CLEC9A: variants seen among roughly 807,000 people sequenced by gnomAD.
The protein encoded by CLEC9A is C-type lectin domain family 9 member A.
A neutral mutation model predicts 30.0 loss-of-function variants in CLEC9A; 24 were observed. That is an observed-to-expected ratio of 0.80 (90% CI 0.58 to 1.13). The LOEUF (loss-of-function observed/expected upper bound fraction) is 1.13. Among genes scored for constraint, CLEC9A ranks in the 50% most tolerant of loss-of-function variants. The probability of loss-of-function intolerance (pLI) is 0.00; values close to 1 mark genes in which losing one functional copy is unlikely to be tolerated. For missense variants in CLEC9A, 251 were observed against 280.9 expected, an observed-to-expected ratio of 0.89 and a Z score of 0.76; for synonymous variants, 111 against 96.8, an observed-to-expected ratio of 1.15 and a Z score of -0.86.
Position 10,064,733 on chromosome 12 carries a change from AT to A in CLEC9A, c.477del (p.Phe159LeufsTer6). ...LLQIESKEEM[D>X]FITGSLRKIK... is the part of the protein sequence containing the mutation. ...CACAGTTCAATTTTTGTCTCATAGG[AT>A]TTTATCACTGGCAGCTTGAGGAAGA... is the stretch of plus-strand genomic sequence containing the variant. On this transcript the variant is annotated frameshift_variant and splice_region_variant, in exon 8 of 9. Coordinates refer to ENST00000355819, the MANE Select transcript of CLEC9A (RefSeq NM_207345.4). LOFTEE classifies it high-confidence loss of function. 1 of 1,608,722 alleles carries A rather than the reference AT, an allele frequency of 6.2e-7. No individual in the cohort carries two copies. The highest frequency in any genetic ancestry group is 8.5e-7 in the Non-Finnish European group (1 of 1,177,582).
intron 5 of CLEC9A, among the ~76,000 whole-genome samples, chr12:10,057,466 A>G (rs1359659959): frequency 6.6e-6 from 1 of 151,976 alleles, no homozygotes; most frequent in Non-Finnish European, 1.5e-5. Flanking sequence ...GCTCATATAT[A>G]TAACTAAAGG....
At chr12:10,044,680 T>C (rs576277913) in intron 2 of CLEC9A, among the ~76,000 whole-genome samples, 3 of 152,338 alleles carry the variant, frequency 2.0e-5, no homozygotes, top group Admixed American at 1.3e-4. Context: ...TTAGCTTCCC[T>C]TCAGCCCACA....
intron 2 of CLEC9A, among the ~76,000 whole-genome samples, chr12:10,047,544 T>G (rs183839479): frequency 3.9e-5 from 6 of 152,322 alleles, no homozygotes; most frequent in Non-Finnish European, 7.4e-5. Context: ...TAAGTGAACT[T>G]AGCAAAATTC....
Position 10,063,102 on chromosome 12 carries a change from A to G in CLEC9A, c.367A>G (p.Ser123Gly). 1.9e-6 allele frequency: 3 copies of G among 1,612,356 alleles called. No homozygotes were observed. The highest frequency in any genetic ancestry group is 2.5e-6 in the Non-Finnish European group (3 of 1,179,364). The change falls in exon 7 of 9, where the codon AGT becomes GGT. Residue 123 changes from serine to glycine, a missense_variant. Ser to Gly is a moderately conservative substitution (Grantham distance 56). Transcript: ENST00000355819. ...AAACAATTGGATTCAGAACAGAGAA[A>G]GTTGTTACTATGTCTCTGAAATTTG... ...CPNNWIQNRE[S>G]CYYVSEIWSI...
At chr12:10,052,538 C>G in intron 3 of CLEC9A, 92 bp from the exon 4 acceptor site, 1 of 1,327,442 alleles carries the variant, frequency 7.5e-7, no homozygotes, top group Non-Finnish European at 9.7e-7. Flanking sequence ...GAAGGTGCAT[C>G]TATTCTACTC....
At chr12:10,031,716 A>T (rs1048232324) in intron 1 of CLEC9A, among the ~76,000 whole-genome samples, 1 of 152,142 alleles carries the variant, frequency 6.6e-6, no homozygotes, top group Non-Finnish European at 1.5e-5. Flanking sequence ...TGAAGCCAGG[A>T]GGTTGAGAAA....
rs140873558 is a variant in CLEC9A at position 10,055,139 on chromosome 12, C to T, written c.172+788C>T. Among the ~76,000 whole-genome samples the T allele has an allele frequency of 4.5e-4, 69 of 152,258 alleles. 1 individual carries two copies. Among genetic ancestry groups the T allele is most frequent in the African/African-American group, 1.6e-3 (67 of 41,550 alleles). On this transcript the variant is annotated intron_variant, in intron 5 of 8. Transcript: ENST00000355819. ...TTTTAGAGGAACGTTTTAAGAATTG[C>T]CAAGAGCTTAATCAGTAATTGTTAC...
At chr12:10,052,603 T>G in intron 3 of CLEC9A, 27 bp from the exon 4 acceptor site, 9 of 1,555,294 alleles carry the variant, frequency 5.8e-6, no homozygotes, top group Non-Finnish European at 7.8e-6. Flanking sequence ...ATTTCAGTTC[T>G]TACACCAACC....
chr12:10,036,360 G>A (rs1208773043), intron 1 of CLEC9A, among the ~76,000 whole-genome samples: 1 of 152,168 alleles, frequency 6.6e-6, no homozygotes, highest in Admixed American at 6.5e-5. Context: ...ATAGCATTTA[G>A]TATTTGTGTG....
chr12:10,040,570 C>A (rs980503928), intron 1 of CLEC9A, among the ~76,000 whole-genome samples: 4 of 151,872 alleles, frequency 2.6e-5, no homozygotes, highest in Non-Finnish European at 5.9e-5. Context: ...CCTGCCTCAG[C>A]CTCCCGAGTA....
At chr12:10,047,748 T>C (rs1338886174) in intron 2 of CLEC9A, among the ~76,000 whole-genome samples, 1 of 152,236 alleles carries the variant, frequency 6.6e-6, no homozygotes, top group Non-Finnish European at 1.5e-5. Context: ...GCACTATGTC[T>C]ACAAATGCAC....
At chr12:10,054,139 C>T in intron 4 of CLEC9A, 132 bp from the exon 5 acceptor site, 3 of 722,472 alleles carry the variant, frequency 4.2e-6, no homozygotes, top group Non-Finnish European at 7.2e-6. Context: ...TTTTACACAT[C>T]CCAGGCCCCA....
chr12:10,058,689 C>T (rs567977989), intron 5 of CLEC9A, among the ~76,000 whole-genome samples: 26 of 152,260 alleles, frequency 1.7e-4, no homozygotes, highest in African/African-American at 2.4e-4. Flanking sequence ...GGATTACATG[C>T]GCACACCACC....
chr12:10,040,247 G>C (rs189735767), intron 1 of CLEC9A, among the ~76,000 whole-genome samples: 1 of 152,284 alleles, frequency 6.6e-6, no homozygotes, highest in East Asian at 1.9e-4. Context: ...TGAGAATCCT[G>C]TATTCAAGAA....
At chr12:10,048,784 C>G (rs1865869482) in intron 2 of CLEC9A, among the ~76,000 whole-genome samples, 1 of 151,884 alleles carries the variant, frequency 6.6e-6, no homozygotes, top group South Asian at 2.1e-4. Context: ...TCTTGAATCT[C>G]TCAAAGTCAT....
At chr12:10,035,474 G>A (rs528836949) in intron 1 of CLEC9A, among the ~76,000 whole-genome samples, 1 of 152,202 alleles carries the variant, frequency 6.6e-6, no homozygotes, top group Non-Finnish European at 1.5e-5. Flanking sequence ...TTAAAGGAAA[G>A]TGCAATGGCA....
chr12:10,047,993 G>A (rs1395665349), intron 2 of CLEC9A, among the ~76,000 whole-genome samples: 13 of 152,034 alleles, frequency 8.6e-5, no homozygotes, highest in African/African-American at 3.1e-4. Flanking sequence ...CAGCACTTTG[G>A]GAGGCCGAGG....
chr12:10,032,382 G>C (rs1218945361), intron 1 of CLEC9A, among the ~76,000 whole-genome samples: 1 of 140,376 alleles, frequency 7.1e-6, no homozygotes, highest in Non-Finnish European at 1.5e-5. Flanking sequence ...TACCTCCTTA[G>C]GGATTTCTTT....
intron 5 of CLEC9A, among the ~76,000 whole-genome samples, chr12:10,054,663 C>T (rs1157131586): frequency 6.6e-6 from 1 of 152,162 alleles, no homozygotes; most frequent in Non-Finnish European, 1.5e-5. Context: ...TGAAAGATTT[C>T]ACATTCTGCT....
Sources: gnomAD v4.1 joint callset for allele counts (sites outside exome capture counted in the v4.1 genomes callset) on GRCh38, gnomAD v4.1.1 for gene constraint, MANE v1.5 for transcripts, NCBI Gene and HGNC (gene_info 2026-07-23, HGNC 2026-07-21) for gene names.